The following DNAH8 variants were observed in gnomAD, a reference collection of about 807,000 sequenced individuals.
DNAH8 encodes dynein axonemal heavy chain 8.
In DNAH8, 382 loss-of-function variants were observed where a neutral mutation model predicts 562.1. That is an observed-to-expected ratio of 0.68 (90% CI 0.63 to 0.74). DNAH8 has a LOEUF of 0.74. Among genes scored for constraint, DNAH8 ranks in the 30% least tolerant of loss-of-function variants. DNAH8 has a pLI of 0.00. For missense variants in DNAH8, 5,203 were observed against 5,620.4 expected (o/e 0.93, Z 2.37); for synonymous variants, 1,881 against 1,919.4 (o/e 0.98, Z 0.52).
chr6:38,929,488 A>G, intron 74 of DNAH8, 23 bp from the exon 75 acceptor site: 1 of 1,598,400 alleles, frequency 6.3e-7, no homozygotes, highest in Non-Finnish European at 8.5e-7. Context: ...ACACAGATAG[A>G]CCAATGAGTT....
At chr6:38,871,316 A>G (rs1277026665) in intron 49 of DNAH8, among the ~76,000 whole-genome samples, 1 of 152,214 alleles carries the variant, frequency 6.6e-6, no homozygotes, top group Non-Finnish European at 1.5e-5. Flanking sequence ...AAATATGTGC[A>G]TGGGGGAAAA....
chr6:38,723,167 C>T lies in DNAH8; in HGVS notation c.358C>T (p.Pro120Ser), dbSNP rs759397600. 20 of 1,612,116 alleles carry T rather than the reference C, an allele frequency of 1.2e-5. No homozygotes were observed. In the East Asian group the frequency reaches 3.1e-4, roughly 25 times the overall value. Reference protein sequence around the residue: ...SRYRRSMSGLPNLQETLKERQ... With the variant: ...SRYRRSMSGLSNLQETLKERQ... ...ATACCGCCGGAGTATGAGTGGCCTTCCCAATCTACAGGAAACATTAAAAGA... is the reference window on the plus strand; with the variant it reads ...ATACCGCCGGAGTATGAGTGGCCTTTCCAATCTACAGGAAACATTAAAAGA... Residue 120 changes from proline (P) to serine (S), a missense_variant, in exon 2 of 93, where the codon CCC becomes TCC. By Grantham distance (74) the Pro-to-Ser change is moderately conservative. This residue lies in a region of DNAH8 where 556 missense variants were observed against 496.9 expected (regional missense o/e 1.12). Coordinates refer to ENST00000327475, the MANE Select transcript of DNAH8 (RefSeq NM_001206927.2).
intron 11 of DNAH8, among the ~76,000 whole-genome samples, chr6:38,768,862 T>C (rs1010640760): frequency 6.6e-6 from 1 of 152,204 alleles, no homozygotes; most frequent in Admixed American, 6.5e-5. Context: ...TATTGCTACT[T>C]GCAGGATTCC....
intron 79 of DNAH8, among the ~76,000 whole-genome samples, chr6:38,945,059 G>C (rs947930983): frequency 6.6e-6 from 1 of 151,874 alleles, no homozygotes; most frequent in African/African-American, 2.4e-5. Flanking sequence ...GTTTGACCTG[G>C]TAACAAGTAG....
chr6:38,772,245 G>A (rs1690539110), intron 12 of DNAH8, among the ~76,000 whole-genome samples: 1 of 151,850 alleles, frequency 6.6e-6, no homozygotes, highest in African/African-American at 2.4e-5. Context: ...AACCAGGATG[G>A]TCTCGATCCT....
chr6:38,974,028 T>A (rs2150695720), intron 84 of DNAH8, among the ~76,000 whole-genome samples: 1 of 152,274 alleles, frequency 6.6e-6, no homozygotes, highest in African/African-American at 2.4e-5. Context: ...AGTACTAATT[T>A]ATTGAGTTTC....
At chr6:38,756,828 T>C (rs1765959720) in intron 10 of DNAH8, among the ~76,000 whole-genome samples, 1 of 152,152 alleles carries the variant, frequency 6.6e-6, no homozygotes, top group Non-Finnish European at 1.5e-5. Context: ...GCTTCATCCA[T>C]GTCCCTACAA....
chr6:38,815,662 G>C lies in DNAH8; in HGVS notation c.3523+5G>C. 1 of 1,606,988 alleles carries C rather than the reference G, an allele frequency of 6.2e-7. No individual in the cohort carries two copies. ...AACTGCTGAAGAAGGAAGAAAGTAA[G>C]AATGTAAAATTAGTCAATGATCTTA... On this transcript the variant is annotated splice_donor_5th_base_variant and intron_variant, in intron 26 of 92. Coordinates refer to ENST00000327475, the MANE Select transcript of DNAH8 (RefSeq NM_001206927.2).
intron 11 of DNAH8, among the ~76,000 whole-genome samples, chr6:38,767,205 G>A (rs562387888): frequency 1.6e-4 from 25 of 152,266 alleles, no homozygotes; most frequent in African/African-American, 5.8e-4. Flanking sequence ...GGGAGGCTGA[G>A]GCGGGCAGAT....
At chr6:38,784,674 C>G (rs897734680) in intron 17 of DNAH8, among the ~76,000 whole-genome samples, 1 of 152,196 alleles carries the variant, frequency 6.6e-6, no homozygotes, top group African/African-American at 2.4e-5. Context: ...TGTCTCAGCA[C>G]ATTACATGTA....
At chr6:38,941,393 C>T (rs1048764405) in intron 79 of DNAH8, among the ~76,000 whole-genome samples, 4 of 152,218 alleles carry the variant, frequency 2.6e-5, no homozygotes, top group African/African-American at 7.2e-5. Flanking sequence ...GTGGAAACTT[C>T]GCAAACTATT....
intron 67 of DNAH8, among the ~76,000 whole-genome samples, chr6:38,914,503 C>A (rs150464980): frequency 6.9e-6 from 1 of 144,264 alleles, no homozygotes; most frequent in East Asian, 2.0e-4. Context: ...TGGGTTCAAG[C>A]GATTCTCCTG....
chr6:38,769,884 A>G (rs1287861669), intron 11 of DNAH8, among the ~76,000 whole-genome samples: 9 of 152,230 alleles, frequency 5.9e-5, no homozygotes, highest in South Asian at 2.1e-4. Context: ...AGCTTGACAT[A>G]ATAGTTAATT....
chr6:38,742,582 G>A (rs775647071), intron 8 of DNAH8, among the ~76,000 whole-genome samples: 1 of 152,058 alleles, frequency 6.6e-6, no homozygotes, highest in Non-Finnish European at 1.5e-5. Context: ...GATTACAGGC[G>A]TGAGCAACCG....
intron 18 of DNAH8, 45 bp downstream of exon 18, chr6:38,786,997 G>C (rs756990689): frequency 7.4e-7 from 1 of 1,356,716 alleles, no homozygotes; most frequent in Non-Finnish European, 9.9e-7. Context: ...GGAGTTTTTT[G>C]GTAAAAAAAA....
chr6:38,909,423 G>A (rs1169346412), intron 64 of DNAH8, 95 bp from the exon 65 acceptor site: 5 of 1,074,292 alleles, frequency 4.7e-6, no homozygotes, highest in Non-Finnish European at 7.0e-6. Flanking sequence ...TCAAATCTGT[G>A]ATGTCACACT....
chr6:38,785,331 G>GTA (rs1769045486), intron 17 of DNAH8, among the ~76,000 whole-genome samples: 1 of 152,072 alleles, frequency 6.6e-6, no homozygotes, highest in Admixed American at 6.6e-5. Context: ...TTCTCTGATG[G>GTA]TGGTTCACAT....
At chr6:38,979,151 T>C (rs1285138048) in intron 85 of DNAH8, among the ~76,000 whole-genome samples, 1 of 152,222 alleles carries the variant, frequency 6.6e-6, no homozygotes, top group Non-Finnish European at 1.5e-5. Context: ...AAGTCTCTTC[T>C]CTCCTCCTTG....
intron 10 of DNAH8, among the ~76,000 whole-genome samples, chr6:38,760,865 G>A (rs990150298): frequency 6.6e-5 from 10 of 151,942 alleles, no homozygotes; most frequent in South Asian, 2.1e-4. Context: ...GCTATGCTTC[G>A]TGTACAGCCT....
Sources: gnomAD v4.1 joint callset for allele counts (sites outside exome capture counted in the v4.1 genomes callset) on GRCh38, gnomAD v4.1.1 for gene constraint, gnomAD v4.1.1 regional missense constraint, MANE v1.5 for transcripts, NCBI Gene and HGNC (gene_info 2026-07-23, HGNC 2026-07-21) for gene names.